Variants in TIAM1 observed in about 807,000 individuals in gnomAD.
TIAM1 encodes rho guanine nucleotide exchange factor TIAM1.
A neutral mutation model predicts 163.5 loss-of-function variants in TIAM1; 65 were observed. That is an observed-to-expected ratio of 0.40 (90% CI 0.33 to 0.49). The LOEUF (loss-of-function observed/expected upper bound fraction) is 0.49. Among genes scored for constraint, TIAM1 ranks in the 20% least tolerant of loss-of-function variants. The pLI is 0.77. For synonymous variants in TIAM1, 833 were observed against 810.1 expected, an observed-to-expected ratio of 1.03 and a Z score of -0.48; for missense variants, 1,789 against 2,044.7, an observed-to-expected ratio of 0.87 and a Z score of 2.41.
chr21:31,263,826 G>C (rs1253422062), intron 4 of TIAM1, among the ~76,000 whole-genome samples: 1 of 152,156 alleles, frequency 6.6e-6, no homozygotes, highest in Non-Finnish European at 1.5e-5. Context: ...TCATCTCTTT[G>C]AATCAGCCTT....
rs144708667 is a variant in TIAM1, at chr21:31,528,729, C to T, written c.-422+30198G>A. Reference sequence around the variant, plus strand: ...CTGAGGCAGGAGAATTGCTTGAACCCGGGAGGCGGAGGTTGCAGTGAGTGG... The same window carrying T: ...CTGAGGCAGGAGAATTGCTTGAACCTGGGAGGCGGAGGTTGCAGTGAGTGG... On this transcript the variant is annotated intron_variant, in intron 1 of 28. Transcript: ENST00000286827. Among the ~76,000 whole-genome samples, 1,410 of 150,330 alleles carry T rather than the reference C, an allele frequency of 9.4e-3. 17 individuals are homozygous for T. The highest frequency in any genetic ancestry group is 0.043 in the South Asian group (199 of 4,676).
At position 31,153,270 on chromosome 21, in the gene TIAM1, C is replaced by T. The variant is rs111701518; in HGVS notation, c.3172-136G>A. The T allele has an allele frequency of 1.0e-3, 676 of 659,844 alleles. 5 individuals carry two copies. In the African/African-American group the frequency reaches 0.011, roughly 11 times the overall value. 40.9% of individuals were successfully genotyped at this position (659,844 alleles called of 1,614,324 possible). A position where few individuals can be genotyped will look rare whatever the true frequency, so the allele number is the denominator to read the frequency against. On this transcript the variant is annotated intron_variant, in intron 17 of 27. Coordinates refer to ENST00000541036, the MANE Select transcript of TIAM1 (RefSeq NM_001353694.2). Reference sequence around the variant, plus strand: ...AAACAGATCCTGTCCCGAAGGCTAACGTTAGAGACTTTAGGTCGTTAAGGT... The same window carrying T: ...AAACAGATCCTGTCCCGAAGGCTAATGTTAGAGACTTTAGGTCGTTAAGGT...
At chr21:31,216,717 T>C (rs572981813) in intron 9 of TIAM1, among the ~76,000 whole-genome samples, 1 of 152,188 alleles carries the variant, frequency 6.6e-6, no homozygotes, top group South Asian at 2.1e-4. Flanking sequence ...CCTCACGACA[T>C]ACCGAGATCC....
rs2070416 is a variant in TIAM1, at chr21:31,225,687, A to T, written c.1809+39T>A. ...AAAAAAAAAACCCTTTTAGAGACCT[A>T]ACAATTTTGTCCGGACCTAAACACG... On this transcript the variant is annotated intron_variant, in intron 7 of 27. Transcript: ENST00000541036. 138,746 of 1,558,224 alleles carry T rather than the reference A, an allele frequency of 0.089. 9,861 individuals are homozygous for T. The highest frequency in any genetic ancestry group is 0.37 in the East Asian group (16,611 of 44,474).
intron 2 of TIAM1, among the ~76,000 whole-genome samples, chr21:31,318,680 T>G (rs1439146869): frequency 2.0e-5 from 3 of 152,218 alleles, no homozygotes; most frequent in African/African-American, 4.8e-5. Context: ...TAGTTCTTTT[T>G]GGCTTTGAGT....
chr21:31,145,292 C>T (rs1432352892), intron 20 of TIAM1, among the ~76,000 whole-genome samples: 1 of 152,144 alleles, frequency 6.6e-6, no homozygotes, highest in East Asian at 1.9e-4. Flanking sequence ...CTGTATTGTG[C>T]TAATACTTCC....
At chr21:31,240,523 C>A (rs1464749115) in intron 6 of TIAM1, among the ~76,000 whole-genome samples, 2 of 152,140 alleles carry the variant, frequency 1.3e-5, no homozygotes, top group Non-Finnish European at 1.5e-5. Flanking sequence ...TGGAACTAAA[C>A]ATGGCATTCC....
intron 10 of TIAM1, among the ~76,000 whole-genome samples, chr21:31,210,788 A>AAGAAAGAAAGAAAGAAAGAAAGAAAG (rs2086835734): frequency 7.8e-5 from 11 of 141,288 alleles, no homozygotes; most frequent in South Asian, 2.1e-4. Flanking sequence ...GAAAGAAAGA[A>AAGAAAGAAAGAAAGAAAGAAAGAAAG]AGAAAGAAAG....
At chr21:31,243,198 A>AG (rs2071295997) in intron 6 of TIAM1, among the ~76,000 whole-genome samples, 2 of 129,056 alleles carry the variant, frequency 1.5e-5, no homozygotes, top group Admixed American at 1.6e-4. Flanking sequence ...ATCTCAAAAA[A>AG]AAAAAAAAAA....
At chr21:31,294,213 C>A (rs192054583) in intron 2 of TIAM1, among the ~76,000 whole-genome samples, 187 of 152,324 alleles carry the variant, frequency 1.2e-3, no homozygotes, top group African/African-American at 4.4e-3. Context: ...ACTCCCTGCT[C>A]ATGACTAATG....
chr21:31,343,600 C>T (rs535925523), intron 1 of TIAM1, among the ~76,000 whole-genome samples: 67 of 152,300 alleles, frequency 4.4e-4, no homozygotes, highest in African/African-American at 1.5e-3. Context: ...CGACGTCCCA[C>T]TCCAGAACTC....
chr21:31,180,720 C>T (rs1201193251), intron 15 of TIAM1, among the ~76,000 whole-genome samples: 1 of 152,206 alleles, frequency 6.6e-6, no homozygotes, highest in African/African-American at 2.4e-5. Flanking sequence ...TTTATGGGAT[C>T]GATCCTGCCA....
chr21:31,454,826 G>C (rs1175375444), intron 2 of TIAM1, among the ~76,000 whole-genome samples: 1 of 152,170 alleles, frequency 6.6e-6, no homozygotes, highest in African/African-American at 2.4e-5. Context: ...TGTGTGTGAA[G>C]ATGTAACTCC....
At chr21:31,366,425 A>T (rs1041592700) in intron 2 of TIAM1, among the ~76,000 whole-genome samples, 1 of 152,114 alleles carries the variant, frequency 6.6e-6, no homozygotes, top group Non-Finnish European at 1.5e-5. Flanking sequence ...TTGGCTCCTC[A>T]GTTTGGGAAT....
intron 2 of TIAM1, among the ~76,000 whole-genome samples, chr21:31,308,215 C>G (rs1350342294): frequency 6.6e-6 from 1 of 152,072 alleles, no homozygotes; most frequent in Non-Finnish European, 1.5e-5. Context: ...CGCGCCACTG[C>G]ACTCCAGCCT....
intron 1 of TIAM1, among the ~76,000 whole-genome samples, chr21:31,554,114 G>T (rs1010187074): frequency 8.5e-5 from 13 of 152,142 alleles, no homozygotes; most frequent in Non-Finnish European, 1.5e-4. Context: ...GCTTTGCAAA[G>T]CCAGGATTTT....
chr21:31,473,862 C>T (rs2045844619), intron 1 of TIAM1, among the ~76,000 whole-genome samples: 1 of 152,144 alleles, frequency 6.6e-6, no homozygotes, highest in South Asian at 2.1e-4. Context: ...CTTGCAGAAT[C>T]ATTAGTCTGT....
At chr21:31,428,420 G>C (rs762469636) in intron 2 of TIAM1, among the ~76,000 whole-genome samples, 2 of 152,208 alleles carry the variant, frequency 1.3e-5, no homozygotes, top group Admixed American at 6.5e-5. Flanking sequence ...GGACAGGAGA[G>C]GGTGGTATAC....
intron 2 of TIAM1, among the ~76,000 whole-genome samples, chr21:31,377,953 A>G (rs949511091): frequency 3.9e-5 from 6 of 152,018 alleles, no homozygotes; most frequent in Admixed American, 3.9e-4. Flanking sequence ...CCTGACCAAC[A>G]TGAAGAAACC....
Sources: allele counts gnomAD v4.1 joint callset (sites outside exome capture counted in the v4.1 genomes callset), GRCh38; gene constraint gnomAD v4.1.1; transcripts MANE v1.5; gene names NCBI Gene and HGNC (gene_info 2026-07-23, HGNC 2026-07-21).